RANBP9: variants seen among roughly 807,000 people sequenced by gnomAD.
RANBP9 encodes RAN binding protein 9.
RANBP9 carries 15 observed loss-of-function variants against 84.3 expected under a neutral mutation model. The ratio of observed to expected loss-of-function variants is 0.18; its 90% CI spans 0.12 to 0.27. RANBP9 has a LOEUF of 0.27. Among genes scored for constraint, RANBP9 ranks in the 10% least tolerant of loss-of-function variants. The pLI is 1.00. For synonymous variants in RANBP9, 392 were observed against 349.6 expected, an observed-to-expected ratio of 1.12 and a Z score of -1.35; for missense variants, 809 against 912.8, an observed-to-expected ratio of 0.89 and a Z score of 1.46.
Position 13,634,638 on chromosome 6 carries a change from A to G in RANBP9, c.1674-86T>C, listed in dbSNP as rs367846216. 6.1e-5 allele frequency: 73 copies of G among 1,194,814 alleles called. 1 individual carries two copies. The South Asian group carries it at 1.2e-3, about 20-fold the overall frequency. The allele number at this position is 1,194,814 out of a possible 1,614,324, so 74.0% of individuals were successfully genotyped here. A position where few individuals can be genotyped will look rare whatever the true frequency, so the allele number is the denominator to read the frequency against. ...AAATCACTACTGAACTACATAGCCT[A>G]CGAATAAACTAATTTCATAAGGCAA... On this transcript the variant is annotated intron_variant, in intron 10 of 13. Coordinates refer to ENST00000011619, the MANE Select transcript of RANBP9 (RefSeq NM_005493.3).
At chr6:13,630,687 G>A (rs1764754739) in intron 12 of RANBP9, among the ~76,000 whole-genome samples, 2 of 152,108 alleles carry the variant, frequency 1.3e-5, no homozygotes, top group African/African-American at 2.4e-5. Context: ...CATTTCCTCT[G>A]ACTATATAGT....
At chr6:13,635,604 T>G (rs955515762) in intron 10 of RANBP9, among the ~76,000 whole-genome samples, 4 of 147,134 alleles carry the variant, frequency 2.7e-5, no homozygotes, top group African/African-American at 1.0e-4. Context: ...CTCCTGTTAG[T>G]AAAATTGTTA....
chr6:13,652,781 G>GA, intron 4 of RANBP9, 100 bp from the exon 5 acceptor site: 5 of 993,006 alleles, frequency 5.0e-6, no homozygotes, highest in Admixed American at 2.4e-5. Context: ...AATGGCAAAA[G>GA]AAAAAAACAT....
intron 12 of RANBP9, among the ~76,000 whole-genome samples, chr6:13,630,129 T>C (rs941620014): frequency 6.6e-6 from 1 of 152,160 alleles, no homozygotes; most frequent in African/African-American, 2.4e-5. Context: ...GCTACTTATA[T>C]ATAAGGTGGG....
rs376179634 is a variant in RANBP9 at position 13,644,743 on chromosome 6, T to C, written c.928-14A>G. Reference sequence around the variant, plus strand: ...ATACAAATTTGGCTGTAAGATAGCATATTTCATTAAACATCTATCCATTTT... The same window carrying C: ...ATACAAATTTGGCTGTAAGATAGCACATTTCATTAAACATCTATCCATTTT... On this transcript the variant is annotated splice_polypyrimidine_tract_variant and intron_variant, in intron 5 of 13. Coordinates refer to ENST00000011619, the MANE Select transcript of RANBP9 (RefSeq NM_005493.3). The C allele has an allele frequency of 5.2e-6, 8 of 1,547,716 alleles. No individual in the cohort carries two copies. The highest frequency in any genetic ancestry group is 1.4e-5 in the African/African-American group (1 of 72,172).
intron 1 of RANBP9, among the ~76,000 whole-genome samples, chr6:13,710,063 A>T (rs1758234324): frequency 6.6e-6 from 1 of 152,186 alleles, no homozygotes; most frequent in Non-Finnish European, 1.5e-5. Flanking sequence ...TAGTTCCCAT[A>T]GCAATTCATA....
At chr6:13,708,697 T>C (rs943128743) in intron 1 of RANBP9, among the ~76,000 whole-genome samples, 15 of 152,084 alleles carry the variant, frequency 9.9e-5, no homozygotes, top group Non-Finnish European at 5.9e-5. Context: ...TTTAAAGTAT[T>C]ATCTACTCTC....
intron 5 of RANBP9, among the ~76,000 whole-genome samples, chr6:13,649,387 G>A (rs930423883): frequency 6.7e-6 from 1 of 148,844 alleles, no homozygotes; most frequent in Non-Finnish European, 1.5e-5. Context: ...AATGATCTCC[G>A]CTATCTATGA....
intron 1 of RANBP9, among the ~76,000 whole-genome samples, chr6:13,709,593 T>A (rs879095793): frequency 6.6e-6 from 1 of 152,156 alleles, no homozygotes; most frequent in Non-Finnish European, 1.5e-5. Flanking sequence ...AAACAAAGAT[T>A]TGATATTGTG....
chr6:13,669,204 T>C (rs1190005261), intron 2 of RANBP9, among the ~76,000 whole-genome samples: 1 of 151,898 alleles, frequency 6.6e-6, no homozygotes, highest in East Asian at 1.9e-4. Context: ...AAAAACGACA[T>C]TGTTGAAAAA....
At chr6:13,692,083 A>G (rs1002754316) in intron 2 of RANBP9, among the ~76,000 whole-genome samples, 1 of 152,210 alleles carries the variant, frequency 6.6e-6, no homozygotes, top group African/African-American at 2.4e-5. Flanking sequence ...TTTTTAGGAA[A>G]TAATCTTTTC....
chr6:13,628,823 AAGT>A (rs1191606750), intron 12 of RANBP9, among the ~76,000 whole-genome samples: 13 of 152,234 alleles, frequency 8.5e-5, no homozygotes, highest in African/African-American at 2.4e-4. Flanking sequence ...AAACCCGCTA[AAGT>A]AGCATTAATG....
intron 12 of RANBP9, among the ~76,000 whole-genome samples, chr6:13,631,357 C>T (rs568099362): frequency 1.3e-5 from 2 of 152,242 alleles, no homozygotes; most frequent in African/African-American, 2.4e-5. Context: ...CATGTTATGT[C>T]CTACACTTGT....
At chr6:13,657,647 A>G (rs892415277) in intron 3 of RANBP9, among the ~76,000 whole-genome samples, 1 of 152,230 alleles carries the variant, frequency 6.6e-6, no homozygotes. Flanking sequence ...ATATAACATA[A>G]GAGATTACAT....
intron 2 of RANBP9, among the ~76,000 whole-genome samples, chr6:13,681,808 G>A (rs1164484805): frequency 1.6e-4 from 24 of 151,790 alleles, no homozygotes; most frequent in Admixed American, 1.6e-3. Context: ...AATGAAAATG[G>A]TTACCTGAAG....
intron 2 of RANBP9, among the ~76,000 whole-genome samples, chr6:13,680,310 C>G (rs1428959989): frequency 6.6e-6 from 1 of 152,028 alleles, no homozygotes; most frequent in Non-Finnish European, 1.5e-5. Flanking sequence ...TAAGACCATA[C>G]CAAGATCAAC....
chr6:13,648,141 G>GTTTTTTTTTTTTT (rs375219477), intron 5 of RANBP9, among the ~76,000 whole-genome samples: 7 of 80,672 alleles, frequency 8.7e-5, no homozygotes, highest in Non-Finnish European at 1.7e-4. Flanking sequence ...TATATGACTG[G>GTTTTTTTTTTTTT]TTTTTTTTTT....
intron 1 of RANBP9, among the ~76,000 whole-genome samples, chr6:13,702,661 C>A (rs1464452430): frequency 6.6e-6 from 1 of 152,018 alleles, no homozygotes; most frequent in East Asian, 1.9e-4. Context: ...ATCTTCTATG[C>A]TGACATTAGA....
intron 1 of RANBP9, among the ~76,000 whole-genome samples, chr6:13,706,596 G>A (rs1363102289): frequency 6.6e-6 from 1 of 151,588 alleles, no homozygotes; most frequent in Non-Finnish European, 1.5e-5. Flanking sequence ...AGGAGGCTGA[G>A]GCAGAAGAAT....
Sources: allele counts gnomAD v4.1 joint callset (sites outside exome capture counted in the v4.1 genomes callset), GRCh38; gene constraint gnomAD v4.1.1; transcripts MANE v1.5; gene names NCBI Gene and HGNC (gene_info 2026-07-23, HGNC 2026-07-21).